The following NEO1 variants were observed in gnomAD, a reference collection of about 807,000 sequenced individuals.
NEO1 encodes neogenin.
In NEO1, 63 loss-of-function variants were observed where a neutral mutation model predicts 159.7. The ratio of observed to expected loss-of-function variants is 0.39; its 90% CI spans 0.32 to 0.49. The LOEUF (loss-of-function observed/expected upper bound fraction) is 0.49. Among genes scored for constraint, NEO1 ranks in the 20% least tolerant of loss-of-function variants. The pLI, the probability that NEO1 is intolerant of heterozygous loss-of-function variation, is 0.85. For synonymous variants in NEO1, 633 were observed against 662.0 expected, an observed-to-expected ratio of 0.96 and a Z score of 0.67; for missense variants, 1,615 against 1,831.0, an observed-to-expected ratio of 0.88 and a Z score of 2.15.
chr15:73,213,136 T>A (rs2037675769), intron 7 of NEO1, among the ~76,000 whole-genome samples: 1 of 152,158 alleles, frequency 6.6e-6, no homozygotes, highest in Non-Finnish European at 1.5e-5. Context: ...AATAAAAAGA[T>A]GAAATAGACT....
At chr15:73,107,589 A>C (rs905881717) in intron 1 of NEO1, among the ~76,000 whole-genome samples, 156 of 152,346 alleles carry the variant, frequency 1.0e-3, no homozygotes, top group Admixed American at 4.2e-3. Context: ...AGCCTTTGTA[A>C]GCATTCACTG....
chr15:73,121,959 G>C (rs1373010889), intron 2 of NEO1, among the ~76,000 whole-genome samples: 37 of 151,134 alleles, frequency 2.4e-4, no homozygotes, highest in Non-Finnish European at 7.4e-5. Context: ...AAATTATTTA[G>C]AAAAGGTAGA....
chr15:73,215,725 A>T (rs1596364049), intron 7 of NEO1, among the ~76,000 whole-genome samples: 1 of 152,220 alleles, frequency 6.6e-6, no homozygotes, highest in African/African-American at 2.4e-5. Context: ...CTAATCAAGG[A>T]TATTGGTCTG....
chr15:73,164,185 G>A (rs886759876), intron 5 of NEO1, among the ~76,000 whole-genome samples: 23 of 145,780 alleles, frequency 1.6e-4, no homozygotes, highest in African/African-American at 3.6e-4. Flanking sequence ...CCACCACCAC[G>A]CCCCGCTGAT....
chr15:73,242,733 A>T (rs968152569), intron 8 of NEO1, among the ~76,000 whole-genome samples: 2 of 152,196 alleles, frequency 1.3e-5, no homozygotes, highest in African/African-American at 4.8e-5. Flanking sequence ...AAAGTAGATG[A>T]TCCTAAAGGT....
chr15:73,114,024 T>C (rs1277022994), intron 1 of NEO1, among the ~76,000 whole-genome samples: 2 of 152,188 alleles, frequency 1.3e-5, no homozygotes, highest in Non-Finnish European at 1.5e-5. Flanking sequence ...CTTAAAGTTA[T>C]TACAAATATT....
chr15:73,211,477 G>A (rs1040251077), intron 7 of NEO1, among the ~76,000 whole-genome samples: 8 of 152,208 alleles, frequency 5.3e-5, no homozygotes, highest in African/African-American at 1.9e-4. Flanking sequence ...AGCACTTTGG[G>A]AGGCCGAGGC....
chr15:73,096,348 A>G (rs1216942132), intron 1 of NEO1, among the ~76,000 whole-genome samples: 4 of 152,220 alleles, frequency 2.6e-5, no homozygotes, highest in Non-Finnish European at 4.4e-5. Context: ...AATTTTAGAC[A>G]AGTGGGCTCA....
intron 7 of NEO1, among the ~76,000 whole-genome samples, chr15:73,218,815 C>CT (rs1314790253): frequency 6.6e-6 from 1 of 151,770 alleles, no homozygotes; most frequent in Non-Finnish European, 1.5e-5. Context: ...ATTCTTCTCT[C>CT]TTTTTTTATT....
intron 1 of NEO1, among the ~76,000 whole-genome samples, chr15:73,070,826 A>G (rs1006393391): frequency 2.6e-5 from 4 of 152,204 alleles, no homozygotes; most frequent in African/African-American, 4.8e-5. Flanking sequence ...ATGGTTGACT[A>G]TGGGTAACTG....
chr15:73,064,342 T>C (rs1277497215), intron 1 of NEO1, among the ~76,000 whole-genome samples: 1 of 152,226 alleles, frequency 6.6e-6, no homozygotes, highest in African/African-American at 2.4e-5. Context: ...GCAGGTAGAA[T>C]GGCTTGTTCT....
chr15:73,220,371 C>T (rs1015172372), intron 7 of NEO1, among the ~76,000 whole-genome samples: 7 of 152,146 alleles, frequency 4.6e-5, no homozygotes, highest in African/African-American at 1.4e-4. Context: ...TTTTTTCCTT[C>T]ATTTCAACTT....
chr15:73,193,785 G>A (rs1367624062), intron 7 of NEO1, among the ~76,000 whole-genome samples: 1 of 151,690 alleles, frequency 6.6e-6, no homozygotes, highest in African/African-American at 2.4e-5. Context: ...TAATTATAAT[G>A]CAAGCTGTGC....
intron 5 of NEO1, among the ~76,000 whole-genome samples, chr15:73,171,888 G>A (rs1008008367): frequency 6.6e-6 from 1 of 152,020 alleles, no homozygotes; most frequent in Admixed American, 6.5e-5. Context: ...GTGATCACCT[G>A]CCTCGGCCCC....
At chr15:73,251,628 G>GA (rs999235100) in intron 11 of NEO1, among the ~76,000 whole-genome samples, 2 of 152,052 alleles carry the variant, frequency 1.3e-5, no homozygotes, top group African/African-American at 4.8e-5. Flanking sequence ...AAAGTTAAGG[G>GA]AAAAAAATGT....
intron 19 of NEO1, 148 bp from the exon 20 acceptor site, chr15:73,273,663 G>A (rs1199701499): frequency 1.6e-6 from 1 of 627,786 alleles, no homozygotes; most frequent in East Asian, 3.1e-5. Flanking sequence ...TTTCAAAACT[G>A]AATTATTTTA....
intron 11 of NEO1, among the ~76,000 whole-genome samples, chr15:73,252,656 G>A (rs181880400): frequency 6.6e-6 from 1 of 152,228 alleles, no homozygotes; most frequent in Admixed American, 6.5e-5. Context: ...ATATTCCTTA[G>A]ACCTGGTTCC....
chr15:73,293,298 G>A, intron 25 of NEO1, 92 bp from the exon 26 acceptor site: 1 of 1,477,390 alleles, frequency 6.8e-7, no homozygotes, highest in South Asian at 1.2e-5. Context: ...TTGTATGGGA[G>A]GTGGGAAGGG....
At chr15:73,125,224 A>G (rs6495056) in intron 3 of NEO1, among the ~76,000 whole-genome samples, 22,819 of 152,198 alleles carry the variant, frequency 0.15, 2,687 homozygotes, top group African/African-American at 0.32. Flanking sequence ...CTTATCTCCT[A>G]TAGAGTTTTT....
Sources: gnomAD v4.1 joint callset for allele counts (sites outside exome capture counted in the v4.1 genomes callset) on GRCh38, gnomAD v4.1.1 for gene constraint, MANE v1.5 for transcripts, NCBI Gene and HGNC (gene_info 2026-07-23, HGNC 2026-07-21) for gene names.